Variants in ZNF765 observed in about 807,000 individuals in gnomAD.
ZNF765 encodes zinc finger protein 765.
A neutral mutation model predicts 44.7 loss-of-function variants in ZNF765; 37 were observed. The ratio of observed to expected loss-of-function variants is 0.83; its 90% confidence interval spans 0.64 to 1.09. ZNF765 has a LOEUF of 1.09. ZNF765 is among the 50% of genes least tolerant of loss of function. The pLI is 0.00. For missense variants in ZNF765, 594 were observed against 626.1 expected (o/e 0.95, Z 0.55); for synonymous variants, 201 against 213.7 (o/e 0.94, Z 0.52).
At position 53,410,073 on chromosome 19, in the gene ZNF765, GTC is replaced by G. The variant is rs35071408; in HGVS notation, c.*947_*948del. The G allele has an allele frequency of 0.026, 11,858 of 453,190 alleles. 345 individuals carry two copies. The highest frequency in any genetic ancestry group is 0.098 in the African/African-American group (4,830 of 49,362). 28.1% of individuals were successfully genotyped at this position (453,190 alleles called of 1,614,324 possible). On this transcript the variant is annotated 3_prime_UTR_variant, in exon 4 of 4. Coordinates refer to ENST00000396408, the MANE Select transcript of ZNF765 (RefSeq NM_001040185.3). ...CATACCTTTGCAGTTCATGGGTGAA[GTC>G]GTATTAGAAACCTTACAAATGTGAA... is the stretch of plus-strand genomic sequence containing the variant.
At chr19:53,414,613 CCTT>C (rs2085863839), downstream of ZNF765, among the ~76,000 whole-genome samples, 2 of 150,910 alleles carry the variant, frequency 1.3e-5, no homozygotes, top group South Asian at 4.2e-4. Flanking sequence ...TCTTTTCTGG[CCTT>C]CTACGGGATG....
intron 2 of ZNF765, 81 bp from the exon 3 acceptor site, chr19:53,401,984 T>C (rs1372270847): frequency 6.2e-7 from 1 of 1,613,618 alleles, no homozygotes; most frequent in African/African-American, 1.3e-5. Context: ...ATCCATGCCT[T>C]CACCTCTCTC....
chr19:53,408,159 T>G lies in ZNF765; in HGVS notation c.604T>G (p.Phe202Val), dbSNP rs549282538. 6.2e-7 allele frequency: 1 copy of G among 1,614,058 alleles called. No homozygotes were observed. Among genetic ancestry groups the G allele is most frequent in the Non-Finnish European group, 8.5e-7 (1 of 1,179,930 alleles). ...YGNNFLNSSL[F>V]TQKQEVHMRE... is the part of the protein sequence containing the mutation. ...GAATAATTTCCTGAATTCTTCATTATTCACACAAAAACAGGAAGTACATAT... is the reference window on the plus strand; with the variant it reads ...GAATAATTTCCTGAATTCTTCATTAGTCACACAAAAACAGGAAGTACATAT... Residue 202 changes from phenylalanine (F) to valine (V), a missense_variant, in exon 4 of 4, where the codon TTC (phenylalanine) becomes GTC (valine). Phe to Val is a conservative substitution (Grantham distance 50). Around this residue, in one of 2 missense-constraint regions of ZNF765, gnomAD observed 567 missense variants for 572.6 expected, o/e 0.99. Transcript: ENST00000396408.
In ZNF765 at chr19:53,410,565, A is replaced by G. The variant is rs1212097492; in HGVS notation, c.*1438A>G. On this transcript the variant is annotated 3_prime_UTR_variant, in exon 4 of 4. Transcript: ENST00000396408. ...AGTCAACACTTGTTTACCATCAGGC[A>G]ATCCATGGTGTAGGGAAACTTTACT... is the stretch of plus-strand genomic sequence containing the variant. 2.3e-6 allele frequency: 1 copy of G among 427,890 alleles called. No individual in the cohort carries two copies. Among genetic ancestry groups the G allele is most frequent in the Non-Finnish European group, 4.7e-6 (1 of 213,078 alleles). The allele number at this position is 427,890 out of a possible 1,614,324, so 26.5% of individuals were successfully genotyped here. A position where few individuals can be genotyped will look rare whatever the true frequency, so the allele number is the denominator to read the frequency against.
At chr19:53,402,736 T>G (rs886616395) in intron 3 of ZNF765, among the ~76,000 whole-genome samples, 2 of 152,098 alleles carry the variant, frequency 1.3e-5, no homozygotes, top group African/African-American at 4.8e-5. Flanking sequence ...CTTTTTTAGT[T>G]TGTTTTTTTT....
At position 53,410,676 on chromosome 19, in the gene ZNF765, G is replaced by A; in HGVS notation, c.*1549G>A. 2.1e-6 allele frequency: 1 copy of A among 466,782 alleles called. No homozygotes were observed. Among genetic ancestry groups the A allele is most frequent in the South Asian group, 1.6e-5 (1 of 61,010 alleles). The allele number at this position is 466,782 out of a possible 1,614,324, so 28.9% of individuals were successfully genotyped here. A position where few individuals can be genotyped will look rare whatever the true frequency, so the allele number is the denominator to read the frequency against. ...TCCATAATGAAGAGAGATCATACTA[G>A]TTTAATAAATTTGGCAAATTTTTCA... On this transcript the variant is annotated 3_prime_UTR_variant, in exon 4 of 4. Coordinates refer to ENST00000396408, the MANE Select transcript of ZNF765 (RefSeq NM_001040185.3).
intron 3 of ZNF765, among the ~76,000 whole-genome samples, chr19:53,419,277 A>T (rs762624535): frequency 1.3e-5 from 2 of 152,214 alleles, no homozygotes; most frequent in African/African-American, 2.4e-5. Context: ...TATGACCCAC[A>T]TACTGGAAAT....
chr19:53,398,947 C>T (rs1009853068), intron 2 of ZNF765, among the ~76,000 whole-genome samples: 1 of 151,908 alleles, frequency 6.6e-6, no homozygotes, highest in African/African-American at 2.4e-5. Flanking sequence ...TGACGAGTAT[C>T]ACCATGTTGG....
chr19:53,414,491 C>CACCACCACCACCACCA (rs1568786159), downstream of ZNF765, among the ~76,000 whole-genome samples: 3 of 15,568 alleles, frequency 1.9e-4, no homozygotes, highest in Non-Finnish European at 5.0e-4. Flanking sequence ...ACACACACAC[C>CACCACCACCACCACCA]CCCCCCCCCC....
At chr19:53,396,665 C>G (rs915116520) in intron 1 of ZNF765, among the ~76,000 whole-genome samples, 4 of 152,122 alleles carry the variant, frequency 2.6e-5, no homozygotes, top group Admixed American at 6.6e-5. Flanking sequence ...AAAGCGTTAT[C>G]TTATAACTGT....
exon 4 of ZNF765, chr19:53,425,228 T>A (rs1392103809): frequency 6.6e-6 from 1 of 152,084 alleles, no homozygotes; most frequent in East Asian, 1.9e-4. Flanking sequence ...TCCTGATCCC[T>A]CCCTCCACCC....
At chr19:53,418,671 G>T (rs1024153088) in intron 3 of ZNF765, among the ~76,000 whole-genome samples, 3 of 151,974 alleles carry the variant, frequency 2.0e-5, no homozygotes, top group Admixed American at 6.6e-5. Flanking sequence ...CCAATGGTGG[G>T]GGGGGCGGTG....
chr19:53,409,746 C>T lies in ZNF765; in HGVS notation c.*619C>T. 1.1e-6 allele frequency: 1 copy of T among 888,860 alleles called. No homozygotes were observed. The highest frequency in any genetic ancestry group is 1.9e-6 in the Non-Finnish European group (1 of 535,740). 55.1% of individuals were successfully genotyped at this position (888,860 alleles called of 1,614,324 possible). A position where few individuals can be genotyped will look rare whatever the true frequency, so the allele number is the denominator to read the frequency against. On this transcript the variant is annotated 3_prime_UTR_variant, in exon 4 of 4. Coordinates refer to ENST00000396408, the MANE Select transcript of ZNF765 (RefSeq NM_001040185.3). The stretch of plus-strand genomic sequence containing the variant: ...ACCTTTAGTCAGAACTCATACCTTA[C>T]ATGCCATCATAGACTTCATACTGGA...
intron 1 of ZNF765, among the ~76,000 whole-genome samples, chr19:53,395,708 T>C (rs2085661077): frequency 1.3e-5 from 2 of 152,200 alleles, no homozygotes; most frequent in Admixed American, 1.3e-4. Context: ...GTCACTGCTT[T>C]CCCTGAGCCC....
intron 2 of ZNF765, 144 bp downstream of exon 2, chr19:53,398,174 T>G: frequency 6.7e-7 from 1 of 1,490,952 alleles, no homozygotes; most frequent in African/African-American, 1.4e-5. Context: ...TTCCCTCTTA[T>G]CTTGCTTAGA....
downstream of ZNF765, chr19:53,413,157 C>T (rs938826613): frequency 3.8e-5 from 21 of 556,516 alleles, no homozygotes; most frequent in Admixed American, 1.2e-4. Context: ...TCCTCTCTCC[C>T]CTTGTGGTGT....
chr19:53,397,797 C>T lies in ZNF765; in HGVS notation c.-73-146C>T, dbSNP rs1291025618. 1.1e-5 allele frequency: 9 copies of T among 833,196 alleles called. No individual in the cohort carries two copies. In the African/African-American group the frequency reaches 1.4e-4, roughly 13 times the overall value. 51.6% of individuals were successfully genotyped at this position (833,196 alleles called of 1,614,324 possible). On this transcript the variant is annotated intron_variant, in intron 1 of 3. Transcript: ENST00000396408. ...TCTCCGGGAGGGGAGTGGGAGTTTT[C>T]CTGTAGGAGTTTATTGTCCCTGGTG... is the stretch of plus-strand genomic sequence containing the variant.
chr19:53,406,573 T>C (rs762009878), intron 3 of ZNF765, among the ~76,000 whole-genome samples: 2 of 152,224 alleles, frequency 1.3e-5, no homozygotes, highest in Non-Finnish European at 2.9e-5. Flanking sequence ...TACATGAGGC[T>C]TTTCGGTATG....
At chr19:53,403,484 C>T (rs2085747422) in intron 3 of ZNF765, among the ~76,000 whole-genome samples, 1 of 151,992 alleles carries the variant, frequency 6.6e-6, no homozygotes, top group Admixed American at 6.5e-5. Flanking sequence ...TGGAGTCTTA[C>T]TCTGTCCCCA....
Sources: allele counts gnomAD v4.1 joint callset (sites outside exome capture counted in the v4.1 genomes callset), GRCh38; gene constraint gnomAD v4.1.1; regional missense constraint gnomAD v4.1.1; transcripts MANE v1.5; gene names NCBI Gene and HGNC (gene_info 2026-07-23, HGNC 2026-07-21).